SOCS7: variants seen among roughly 807,000 people sequenced by gnomAD.
SOCS7 encodes suppressor of cytokine signaling 7.
SOCS7 carries 18 observed loss-of-function variants against 58.9 expected under a neutral mutation model. The observed-to-expected ratio is 0.31, with a 90% CI of 0.21 to 0.45. The LOEUF is 0.45. Ranked by LOEUF, SOCS7 falls within the 20% of genes least tolerant of loss-of-function variation. The pLI is 1.00. For missense variants in SOCS7, 667 were observed against 837.3 expected (o/e 0.80, Z 2.51); for synonymous variants, 388 against 364.3 (o/e 1.06, Z -0.74).
chr17:38,400,059 AAGG>A lies in SOCS7; in HGVS notation c.*581_*583del, dbSNP rs2038298739. ...GCAGCTGTTGTAGGAGCAGGAGAGAAAGGAGGGTGGGTGGTCTCGAAAAGAATA... is the reference window on the plus strand; with the variant it reads ...GCAGCTGTTGTAGGAGCAGGAGAGAAAGGGTGGGTGGTCTCGAAAAGAATA... On this transcript the variant is annotated 3_prime_UTR_variant, in exon 10 of 10. Coordinates refer to ENST00000612932, the MANE Select transcript of SOCS7 (RefSeq NM_014598.4). 1 of 152,136 alleles carries A rather than the reference AAGG, an allele frequency of 6.6e-6. No homozygotes were observed. The highest frequency in any genetic ancestry group is 1.5e-5 in the Non-Finnish European group (1 of 68,022). The allele number at this position is 152,136 out of a possible 1,614,324, so 9.4% of individuals were successfully genotyped here.
chr17:38,354,277 C>G (rs41503646), intron 1 of SOCS7, among the ~76,000 whole-genome samples: 9 of 152,280 alleles, frequency 5.9e-5, no homozygotes, highest in African/African-American at 1.9e-4. Flanking sequence ...TAAACCAAAG[C>G]TAAAGAACAG....
chr17:38,352,509 C>G lies in SOCS7; in HGVS notation c.457C>G (p.Pro153Ala), dbSNP rs1485276298. 2 of 1,543,480 alleles carry G rather than the reference C, an allele frequency of 1.3e-6. No homozygotes were observed. Among genetic ancestry groups the G allele is most frequent in the Non-Finnish European group, 1.7e-6 (2 of 1,143,748 alleles). ...GCCPCPCPPQ[P>A]PPPQPQPPAA... ...CTGCCCGTGTCCGTGTCCTCCTCAG[C>G]CGCCCCCTCCGCAGCCCCAGCCGCC... The change falls in exon 1 of 10, where the codon CCG (proline) becomes GCG (alanine). Residue 153 changes from proline (P) to alanine (A), a missense_variant. Coordinates refer to ENST00000612932, the MANE Select transcript of SOCS7 (RefSeq NM_014598.4). The surrounding 1 kb of genome is among the most constrained non-coding windows in gnomAD (Gnocchi z 5.5).
At chr17:38,354,518 C>T (rs950904418) in intron 1 of SOCS7, among the ~76,000 whole-genome samples, 2 of 152,132 alleles carry the variant, frequency 1.3e-5, no homozygotes, top group Non-Finnish European at 2.9e-5. Flanking sequence ...GGGGATGAGG[C>T]CAAATCCAAA....
rs1491295916 is a variant in SOCS7, at chr17:38,387,543, AGT to A, written c.1682-7765_1682-7764del. On this transcript the variant is annotated intron_variant, in intron 7 of 9. Transcript: ENST00000612932. ...TGTATATATTATATACACAATATAT[AGT>A]ATATATATACACAATACATAATATA... is the stretch of plus-strand genomic sequence containing the variant. Among the ~76,000 whole-genome samples the A allele has an allele frequency of 4.2e-5, 6 of 141,268 alleles. 2 individuals carry two copies. Among genetic ancestry groups the A allele is most frequent in the Admixed American group, 7.4e-5 (1 of 13,600 alleles). The allele number at this position is 141,268 out of a possible 152,430, so 92.7% of individuals were successfully genotyped here.
intron 6 of SOCS7, among the ~76,000 whole-genome samples, chr17:38,373,889 A>G (rs773200490): frequency 6.6e-6 from 1 of 152,246 alleles, no homozygotes; most frequent in Non-Finnish European, 1.5e-5. Context: ...AGACACCGAT[A>G]GAACATCATG....
intron 7 of SOCS7, among the ~76,000 whole-genome samples, chr17:38,393,116 C>T (rs2038197765): frequency 6.6e-6 from 1 of 152,142 alleles, no homozygotes; most frequent in African/African-American, 2.4e-5. Context: ...CTCAAGTGAT[C>T]TTATCTCCTT....
chr17:38,374,277 C>CCTGT (rs2037904344), intron 6 of SOCS7, among the ~76,000 whole-genome samples: 1 of 151,846 alleles, frequency 6.6e-6, no homozygotes, highest in South Asian at 2.1e-4. Context: ...GTGGCTCATG[C>CCTGT]CTGTAATCCC....
Position 38,404,107 on chromosome 17 carries a change from C to T in SOCS7, c.*4625C>T, listed in dbSNP as rs2038358742. 1 of 152,118 alleles carries T rather than the reference C, an allele frequency of 6.6e-6. No homozygotes were observed. The highest frequency in any genetic ancestry group is 1.5e-5 in the Non-Finnish European group (1 of 68,032). 9.4% of individuals were successfully genotyped at this position (152,118 alleles called of 1,614,324 possible). On this transcript the variant is annotated 3_prime_UTR_variant, in exon 10 of 10. Transcript: ENST00000612932. ...CTGCTTTCACATTGGAGCCTTCACA[C>T]TCAGCACAAAATGATTGGAGGCCTT... is the stretch of plus-strand genomic sequence containing the variant.
At position 38,352,081 on chromosome 17, in the gene SOCS7, AGGC is replaced by A. The variant is rs565338852; in HGVS notation, c.42_44del (p.Ala16del). On this transcript the variant is annotated inframe_deletion, in exon 1 of 10. Coordinates refer to ENST00000612932, the MANE Select transcript of SOCS7 (RefSeq NM_014598.4). The surrounding 1 kb of genome is among the most constrained non-coding windows in gnomAD (Gnocchi z 5.5). ...CAGGAGGCCGAGCTCCGGGATGGCG[AGGC>A]GGCGGCGGCGGCCGCTTCGTACCGC... is the stretch of plus-strand genomic sequence containing the variant. The A allele has an allele frequency of 2.2e-4, 66 of 297,846 alleles. No homozygotes were observed. The highest frequency in any genetic ancestry group is 3.1e-4 in the East Asian group (3 of 9,598). The allele number at this position is 297,846 out of a possible 1,614,324, so 18.5% of individuals were successfully genotyped here.
chr17:38,360,828 C>T (rs768868713), intron 1 of SOCS7, among the ~76,000 whole-genome samples: 13 of 152,188 alleles, frequency 8.5e-5, no homozygotes, highest in Non-Finnish European at 1.3e-4. Context: ...CATGAGCCAC[C>T]GCACCCGGCC....
Position 38,395,929 on chromosome 17 carries a change from C to A in SOCS7, c.1899C>A (p.Leu633=), listed in dbSNP as rs2038239385. 6.2e-7 allele frequency: 1 copy of A among 1,611,104 alleles called. No individual in the cohort carries two copies. Among genetic ancestry groups the A allele is most frequent in the African/African-American group, 1.3e-5 (1 of 74,710 alleles). ...EVYLSLKEAQ[L]ISKQKQEVEP... ...ACCTGTCTCTAAAGGAAGCGCAGCTCATTTCCAAACAGAAGCAAGAGGTGG... is the reference window on the plus strand; with the variant it reads ...ACCTGTCTCTAAAGGAAGCGCAGCTAATTTCCAAACAGAAGCAAGAGGTGG... Residue 633 remains leucine, a synonymous_variant, in exon 9 of 10, where the codon CTC becomes CTA. Coordinates refer to ENST00000612932, the MANE Select transcript of SOCS7 (RefSeq NM_014598.4).
chr17:38,387,501 ATATATACACAATATATTGTATATAT>A (rs1168006592), intron 7 of SOCS7, among the ~76,000 whole-genome samples: 2 of 142,920 alleles, frequency 1.4e-5, no homozygotes, highest in African/African-American at 5.3e-5. Context: ...AATACATAAT[ATATATACACAATATATTGTATATAT>A]TATATACACA....
chr17:38,397,764 C>T (rs1420512426), intron 9 of SOCS7, among the ~76,000 whole-genome samples: 1 of 152,196 alleles, frequency 6.6e-6, no homozygotes, highest in South Asian at 2.1e-4. Context: ...GAAAGACAGG[C>T]AGCAAACATG....
chr17:38,361,706 C>T lies in SOCS7; in HGVS notation c.981-5C>T. The T allele has an allele frequency of 6.2e-7, 1 of 1,612,376 alleles. No individual in the cohort carries two copies. The highest frequency in any genetic ancestry group is 1.7e-4 in the Middle Eastern group (1 of 6,058). On this transcript the variant is annotated splice_region_variant and splice_polypyrimidine_tract_variant and intron_variant, in intron 1 of 9. Transcript: ENST00000612932. ...CTATTCTCTCTCTGCTTTCTCACTC[C>T]CTAGGAAACCCAAGTTGACAAGAAC... is the stretch of plus-strand genomic sequence containing the variant.
At chr17:38,360,596 G>A (rs1305463523) in intron 1 of SOCS7, among the ~76,000 whole-genome samples, 2 of 152,050 alleles carry the variant, frequency 1.3e-5, no homozygotes, top group East Asian at 3.9e-4. Flanking sequence ...CTGGAGTGCA[G>A]TAGTGCGATC....
chr17:38,388,940 G>A (rs2038115916), intron 7 of SOCS7, among the ~76,000 whole-genome samples: 1 of 152,016 alleles, frequency 6.6e-6, no homozygotes. Flanking sequence ...ATGCTTCTTT[G>A]AACATTCATG....
intron 7 of SOCS7, 25 bp downstream of exon 7, chr17:38,377,867 T>C (rs769535716): frequency 1.4e-5 from 23 of 1,604,040 alleles, no homozygotes; most frequent in Non-Finnish European, 2.0e-5. Flanking sequence ...CTGTTAATTA[T>C]TTAACTTAAG....
In SOCS7 at chr17:38,361,595, C is replaced by G. The variant is rs1046337481; in HGVS notation, c.981-116C>G. ...TGCTGTATTACAAGAGTGTTGCTGA[C>G]AACGACTAGGGTTTGCTTTATTTCT... On this transcript the variant is annotated intron_variant, in intron 1 of 9. Coordinates refer to ENST00000612932, the MANE Select transcript of SOCS7 (RefSeq NM_014598.4). The G allele has an allele frequency of 8.7e-6, 7 of 805,402 alleles. No individual in the cohort carries two copies. The Admixed American group carries it at 1.2e-4, about 14-fold the overall frequency. The allele number at this position is 805,402 out of a possible 1,614,324, so 49.9% of individuals were successfully genotyped here.
At position 38,405,180 on chromosome 17, in the gene SOCS7, A is replaced by AT. The variant is rs2038375607; in HGVS notation, c.*5699dup. The AT allele has an allele frequency of 7.0e-6, 1 of 143,294 alleles. No homozygotes were observed. The highest frequency in any genetic ancestry group is 1.5e-5 in the Non-Finnish European group (1 of 65,078). 8.9% of individuals were successfully genotyped at this position (143,294 alleles called of 1,614,324 possible). On this transcript the variant is annotated 3_prime_UTR_variant, in exon 10 of 10. Coordinates refer to ENST00000612932, the MANE Select transcript of SOCS7 (RefSeq NM_014598.4). The stretch of plus-strand genomic sequence containing the variant: ...TTCATAAACTATAAAAAAATACTAA[A>AT]TGGTTAAAATAGACTTGCAGGCCAA...
Sources: gnomAD v4.1 joint callset for allele counts (sites outside exome capture counted in the v4.1 genomes callset) on GRCh38, gnomAD v4.1.1 for gene constraint, Gnocchi (gnomAD v3.1) non-coding constraint, MANE v1.5 for transcripts, NCBI Gene and HGNC (gene_info 2026-07-23, HGNC 2026-07-21) for gene names.